PLCB4: variants seen among roughly 807,000 people sequenced by gnomAD.
PLCB4 encodes phospholipase C beta 4.
In PLCB4, 77 loss-of-function variants were observed where a neutral mutation model predicts 178.8. That is an observed-to-expected ratio of 0.43 (90% CI 0.36 to 0.52). The LOEUF (loss-of-function observed/expected upper bound fraction) is 0.52, where lower values mean the gene tolerates loss of function less well. Ranked by LOEUF, PLCB4 falls within the 20% of genes least tolerant of loss-of-function variation. PLCB4 has a pLI of 0.00. For missense variants in PLCB4, 1,024 were observed against 1,453.4 expected, an observed-to-expected ratio of 0.70 and a Z score of 4.80; for synonymous variants, 496 against 490.8, an observed-to-expected ratio of 1.01 and a Z score of -0.14.
At chr20:9,132,725 C>T (rs760934557) in intron 2 of PLCB4, among the ~76,000 whole-genome samples, 14 of 152,124 alleles carry the variant, frequency 9.2e-5, no homozygotes, top group Non-Finnish European at 1.5e-4. Flanking sequence ...CTCTACATTG[C>T]AATCAGATTG....
chr20:9,400,468 A>T (rs755516534), intron 19 of PLCB4, among the ~76,000 whole-genome samples: 3 of 152,118 alleles, frequency 2.0e-5, no homozygotes, highest in Non-Finnish European at 2.9e-5. Flanking sequence ...ACTTTTAAAC[A>T]TGCTTTAAAA....
intron 2 of PLCB4, among the ~76,000 whole-genome samples, chr20:9,122,062 T>C (rs1457045204): frequency 6.6e-6 from 1 of 152,176 alleles, no homozygotes; most frequent in Non-Finnish European, 1.5e-5. Context: ...GTTTCTCTCA[T>C]TGTGGATGGA....
Position 9,199,489 on chromosome 20 carries a change from T to C in PLCB4, c.-78-17901T>C, listed in dbSNP as rs542534816. On this transcript the variant is annotated intron_variant, in intron 2 of 39. Coordinates refer to ENST00000378473, the MANE Select transcript of PLCB4 (RefSeq NM_001377142.1). The stretch of plus-strand genomic sequence containing the variant: ...AATGTTCCCATCACTGATGGAATCC[T>C]GAGAACCCTGTTAGCCTAGCACTGA... 1.3e-3 allele frequency among the ~76,000 whole-genome samples: 196 copies of C among 152,348 alleles called. 3 individuals carry two copies. Among genetic ancestry groups the C allele is most frequent in the Admixed American group, 4.4e-3 (67 of 15,290 alleles).
intron 3 of PLCB4, among the ~76,000 whole-genome samples, chr20:9,289,954 T>C (rs918181272): frequency 6.6e-6 from 1 of 151,866 alleles, no homozygotes; most frequent in African/African-American, 2.4e-5. Context: ...CTTTGAGAAG[T>C]GTGTCAGGTC....
chr20:9,081,739 T>A (rs2090154584), intron 1 of PLCB4, among the ~76,000 whole-genome samples: 1 of 84,146 alleles, frequency 1.2e-5, no homozygotes, highest in Non-Finnish European at 2.3e-5. Context: ...GCAGATTGGG[T>A]AAATTAGGAA....
At chr20:9,112,693 G>A (rs911029270) in intron 2 of PLCB4, among the ~76,000 whole-genome samples, 8 of 152,072 alleles carry the variant, frequency 5.3e-5, no homozygotes, top group African/African-American at 2.4e-5. Flanking sequence ...GCTAGGCCTG[G>A]AGCATATTCA....
intron 1 of PLCB4, among the ~76,000 whole-genome samples, chr20:9,072,313 A>G (rs1372407698): frequency 6.6e-6 from 1 of 151,968 alleles, no homozygotes; most frequent in Non-Finnish European, 1.5e-5. Flanking sequence ...TCTTTCTTCT[A>G]TTCCTTAGTA....
At chr20:9,463,610 A>AC in intron 35 of PLCB4, among the ~76,000 whole-genome samples, 1 of 150,998 alleles carries the variant, frequency 6.6e-6, no homozygotes, top group East Asian at 1.9e-4. Flanking sequence ...AAAAAAAAAA[A>AC]AAAAGCAGGG....
At chr20:9,393,520 C>G in intron 17 of PLCB4, 68 bp from the exon 18 acceptor site, 2 of 1,081,046 alleles carry the variant, frequency 1.9e-6, no homozygotes, top group East Asian at 2.4e-5. Context: ...CCAGGCTCCT[C>G]CTGGACTGGG....
intron 1 of PLCB4, among the ~76,000 whole-genome samples, chr20:9,088,525 C>T (rs6140859): frequency 0.5 from 75,277 of 152,014 alleles, 19,046 homozygotes; most frequent in Middle Eastern, 0.56. Context: ...TCTGTAAGCT[C>T]CTACCTTCAC....
At chr20:9,450,372 T>C (rs1298523028) in intron 32 of PLCB4, among the ~76,000 whole-genome samples, 2 of 152,150 alleles carry the variant, frequency 1.3e-5, no homozygotes, top group African/African-American at 4.8e-5. Flanking sequence ...AGGATCCCCA[T>C]TTCTTTCTGA....
At chr20:9,128,314 C>A (rs2092181324) in intron 2 of PLCB4, among the ~76,000 whole-genome samples, 1 of 152,166 alleles carries the variant, frequency 6.6e-6, no homozygotes. Flanking sequence ...GCTTGTACAA[C>A]CTGCAGAACT....
chr20:9,300,884 G>A (rs2094694378), intron 3 of PLCB4, among the ~76,000 whole-genome samples: 1 of 152,054 alleles, frequency 6.6e-6, no homozygotes, highest in Non-Finnish European at 1.5e-5. Context: ...GCACAAACTA[G>A]TGGCTGAAAG....
intron 6 of PLCB4, 39 bp from the exon 7 acceptor site, chr20:9,338,855 G>A (rs943257564): frequency 8.3e-6 from 13 of 1,557,988 alleles, no homozygotes; most frequent in African/African-American, 1.4e-5. Context: ...GCTCTGTGAT[G>A]TAACTTATTT....
At chr20:9,221,721 A>G (rs1329662558) in intron 3 of PLCB4, among the ~76,000 whole-genome samples, 1 of 152,226 alleles carries the variant, frequency 6.6e-6, no homozygotes, top group Non-Finnish European at 1.5e-5. Flanking sequence ...TAGAATTTCT[A>G]CATATATTAG....
At chr20:9,221,656 G>GCTAA (rs1190870551) in intron 3 of PLCB4, among the ~76,000 whole-genome samples, 2 of 152,340 alleles carry the variant, frequency 1.3e-5, no homozygotes, top group South Asian at 4.2e-4. Context: ...GGTTCAAAGA[G>GCTAA]CTAAGTCCTA....
At chr20:9,277,358 A>T (rs1469703958) in intron 3 of PLCB4, among the ~76,000 whole-genome samples, 1 of 152,068 alleles carries the variant, frequency 6.6e-6, no homozygotes, top group Admixed American at 6.6e-5. Flanking sequence ...TGATTTGTGG[A>T]TGATGATTTG....
At chr20:9,128,517 T>C (rs1320175518) in intron 2 of PLCB4, among the ~76,000 whole-genome samples, 2 of 152,276 alleles carry the variant, frequency 1.3e-5, no homozygotes, top group East Asian at 3.9e-4. Context: ...CCCAAGTTGC[T>C]GGAATTACAG....
chr20:9,187,665 G>C (rs886140266), intron 2 of PLCB4, among the ~76,000 whole-genome samples: 1 of 152,188 alleles, frequency 6.6e-6, no homozygotes, highest in Non-Finnish European at 1.5e-5. Flanking sequence ...GAACTGTCCA[G>C]ATTTTTAAAC....
Sources: allele counts gnomAD v4.1 joint callset (sites outside exome capture counted in the v4.1 genomes callset), GRCh38; gene constraint gnomAD v4.1.1; transcripts MANE v1.5; gene names NCBI Gene and HGNC (gene_info 2026-07-23, HGNC 2026-07-21).